The following CD81 variants were observed in gnomAD, a reference collection of about 807,000 sequenced individuals.
CD81 encodes CD81 molecule, also known as CD81 antigen.
In CD81, 10 loss-of-function variants were observed where a neutral mutation model predicts 30.1. The observed-to-expected ratio is 0.33, with a 90% CI of 0.21 to 0.56. The LOEUF is 0.56. Ranked by LOEUF, CD81 falls within the 20% of genes least tolerant of loss-of-function variation. CD81 has a pLI of 0.89. For missense variants in CD81, 263 were observed against 308.7 expected, an observed-to-expected ratio of 0.85 and a Z score of 1.11; for synonymous variants, 147 against 126.4, an observed-to-expected ratio of 1.16 and a Z score of -1.10.
chr11:2,390,168 G>A lies in CD81; in HGVS notation c.67-244G>A, dbSNP rs545186174. ...GTGTCTTCCTGGCAGTCCTGCCCTG[G>A]AGTCACACTCCACAGGTGCAGGGCA... On this transcript the variant is annotated intron_variant, in intron 1 of 7. Transcript: ENST00000263645. The A allele has an allele frequency of 1.1e-3, 657 of 611,118 alleles. 10 individuals carry two copies. The South Asian group carries it at 0.011, about 10-fold the overall frequency. 37.9% of individuals were successfully genotyped at this position (611,118 alleles called of 1,614,324 possible). A position where few individuals can be genotyped will look rare whatever the true frequency, so the allele number is the denominator to read the frequency against.
Position 2,377,519 on chromosome 11 carries a change from G to T in CD81, c.-31G>T. On this transcript the variant is annotated 5_prime_UTR_variant, in exon 1 of 8. Coordinates refer to ENST00000263645, the MANE Select transcript of CD81 (RefSeq NM_004356.4). The surrounding 1 kb of genome is among the most constrained non-coding windows in gnomAD (Gnocchi z 7.7). Reference sequence around the variant, plus strand: ...CGCCCGCCGCCCAGGACCGGCCCGCGCCCCGCAGGCCGCCCGCCGCCCGCG... The same window carrying T: ...CGCCCGCCGCCCAGGACCGGCCCGCTCCCCGCAGGCCGCCCGCCGCCCGCG... 7.9e-7 allele frequency: 1 copy of T among 1,259,436 alleles called. No individual in the cohort carries two copies. The highest frequency in any genetic ancestry group is 1.0e-6 in the Non-Finnish European group (1 of 968,498). The allele number at this position is 1,259,436 out of a possible 1,614,324, so 78.0% of individuals were successfully genotyped here.
Position 2,377,675 on chromosome 11 carries a change from G to T in CD81, c.66+60G>T. 1.7e-6 allele frequency: 2 copies of T among 1,201,404 alleles called. No individual in the cohort carries two copies. Among genetic ancestry groups the T allele is most frequent in the Non-Finnish European group, 2.3e-6 (2 of 867,314 alleles). The allele number at this position is 1,201,404 out of a possible 1,614,324, so 74.4% of individuals were successfully genotyped here. ...GCAGGCACACACTCCACGTTGGGCA[G>T]GTCCCGCGGCAGCGTGCTAGGCCCC... On this transcript the variant is annotated intron_variant, in intron 1 of 7. Coordinates refer to ENST00000263645, the MANE Select transcript of CD81 (RefSeq NM_004356.4). The surrounding 1 kb of genome is among the most constrained non-coding windows in gnomAD (Gnocchi z 7.7).
chr11:2,393,852 G>A, intron 2 of CD81: 1 of 672,772 alleles, frequency 1.5e-6, no homozygotes, highest in South Asian at 1.6e-5. Flanking sequence ...GCGCTCATGA[G>A]GTGCCCAGTC....
chr11:2,395,373 G>T (rs764150108), intron 4 of CD81, 43 bp from the exon 5 acceptor site: 4 of 1,501,496 alleles, frequency 2.7e-6, no homozygotes, highest in South Asian at 1.1e-5. Flanking sequence ...GGGGCAAGGA[G>T]GGGGAGGTTC....
chr11:2,395,364 G>T, intron 4 of CD81, 52 bp from the exon 5 acceptor site: 2 of 1,438,160 alleles, frequency 1.4e-6, no homozygotes, highest in Non-Finnish European at 2.0e-6. Flanking sequence ...GGCGGGGTGG[G>T]GGCAAGGAGG....
chr11:2,396,911 G>C lies in CD81; in HGVS notation c.*45G>C. The C allele has an allele frequency of 6.3e-7, 1 of 1,584,642 alleles. No individual in the cohort carries two copies. The highest frequency in any genetic ancestry group is 8.6e-7 in the Non-Finnish European group (1 of 1,156,354). On this transcript the variant is annotated 3_prime_UTR_variant, in exon 8 of 8. Transcript: ENST00000263645. ...CAGGGACCTCTGCAGTGCCCCCTAAGTGACCCGGACACTTCCGAGGGGGCC... is the reference window on the plus strand; with the variant it reads ...CAGGGACCTCTGCAGTGCCCCCTAACTGACCCGGACACTTCCGAGGGGGCC...
Position 2,395,032 on chromosome 11 carries a change from G to A in CD81, c.340G>A (p.Val114Ile). Reference sequence around the variant, plus strand: ...GGTGGCCGCCGGCATCTGGGGCTTTGTCAACAAGGACCAGGTGAGCCTGGG... The same window carrying A: ...GGTGGCCGCCGGCATCTGGGGCTTTATCAACAAGGACCAGGTGAGCCTGGG... ...CEVAAGIWGF[V>I]NKDQIAKDVK... Residue 114 changes from valine (V) to isoleucine (I), a missense_variant, in exon 4 of 8, where the codon GTC (valine) becomes ATC (isoleucine). By Grantham distance (29) the Val-to-Ile change is conservative. This residue lies in a region of CD81 where 176 missense variants were observed against 192.9 expected (regional missense o/e 0.91). Transcript: ENST00000263645. 6.2e-7 allele frequency: 1 copy of A among 1,612,108 alleles called. No homozygotes were observed. Among genetic ancestry groups the A allele is most frequent in the Non-Finnish European group, 8.5e-7 (1 of 1,179,832 alleles).
rs1220115604 is a variant in CD81, at chr11:2,378,971, A to C, written c.66+1356A>C. On this transcript the variant is annotated intron_variant, in intron 1 of 7. Coordinates refer to ENST00000263645, the MANE Select transcript of CD81 (RefSeq NM_004356.4). The surrounding 1 kb of genome is among the most constrained non-coding windows in gnomAD (Gnocchi z 4.9). ...GGGGCAGTCACATCCCACCTTCCCC[A>C]AGCCGGGCTGTTCTGCACAGCCTGC... is the stretch of plus-strand genomic sequence containing the variant. Among the ~76,000 whole-genome samples, 1 of 152,218 alleles carries C rather than the reference A, an allele frequency of 6.6e-6. No homozygotes were observed. The highest frequency in any genetic ancestry group is 1.5e-5 in the Non-Finnish European group (1 of 68,036).
At chr11:2,396,102 CTGCTCTGCTGGGAGGGTTGGGGTGGG>C in intron 6 of CD81, 132 bp downstream of exon 6, 1 of 493,320 alleles carries the variant, frequency 2.0e-6, no homozygotes, top group Non-Finnish European at 3.9e-6. Flanking sequence ...CCTGTCAGGG[CTGCTCTGCTGGGAGGGTTGGGGTGGG>C]ACCGCATCTG....
intron 1 of CD81, among the ~76,000 whole-genome samples, chr11:2,379,417 G>A (rs1849664833): frequency 7.6e-6 from 1 of 131,412 alleles, no homozygotes; most frequent in Admixed American, 7.3e-5. Flanking sequence ...CCTGGGGGTA[G>A]GGGCTGAGGG....
chr11:2,377,525 C>A lies in CD81; in HGVS notation c.-25C>A. The A allele has an allele frequency of 7.6e-7, 1 of 1,311,332 alleles. No homozygotes were observed. 81.2% of individuals were successfully genotyped at this position (1,311,332 alleles called of 1,614,324 possible). A position where few individuals can be genotyped will look rare whatever the true frequency, so the allele number is the denominator to read the frequency against. ...CCGCCCAGGACCGGCCCGCGCCCCG[C>A]AGGCCGCCCGCCGCCCGCGCCGCCA... On this transcript the variant is annotated 5_prime_UTR_variant, in exon 1 of 8. Transcript: ENST00000263645. This position sits in a 1 kb window ranked among gnomAD's most constrained non-coding sequence, Gnocchi z 7.7.
intron 1 of CD81, chr11:2,390,094 T>C (rs1849870639): frequency 2.1e-6 from 1 of 483,728 alleles, no homozygotes; most frequent in Non-Finnish European, 3.8e-6. Flanking sequence ...ACACTTACCC[T>C]AAAGAAGTAT....
At chr11:2,383,945 T>C (rs926263061) in intron 1 of CD81, among the ~76,000 whole-genome samples, 2 of 152,194 alleles carry the variant, frequency 1.3e-5, no homozygotes, top group Non-Finnish European at 2.9e-5. Context: ...CTCCTGGCTG[T>C]CCGGGGCCTG....
At chr11:2,395,747 C>T (rs1000428001) in intron 5 of CD81, 122 bp from the exon 6 acceptor site, 20 of 794,694 alleles carry the variant, frequency 2.5e-5, no homozygotes, top group Non-Finnish European at 3.9e-5. Flanking sequence ...AGAAGGCTGG[C>T]CCCTGGATGC....
intron 2 of CD81, chr11:2,393,816 C>T (rs1029094748): frequency 5.7e-5 from 36 of 632,088 alleles, no homozygotes; most frequent in East Asian, 2.2e-4. Context: ...GTCATCCCTG[C>T]GAAGCACCTG....
At chr11:2,381,161 C>T (rs1036974767) in intron 1 of CD81, among the ~76,000 whole-genome samples, 1 of 152,210 alleles carries the variant, frequency 6.6e-6, no homozygotes, top group East Asian at 1.9e-4. Flanking sequence ...TTTGGGGAAA[C>T]GGCCACTGGG....
intron 6 of CD81, 129 bp from the exon 7 acceptor site, chr11:2,396,499 A>T: frequency 4.8e-6 from 4 of 833,290 alleles, no homozygotes; most frequent in Non-Finnish European, 6.1e-6. Flanking sequence ...CGAGGTGGGT[A>T]GGGGGTGGGG....
In CD81 at chr11:2,396,003, C is replaced by T. The variant is rs775750794; in HGVS notation, c.561+33C>T. 4 of 1,406,870 alleles carry T rather than the reference C, an allele frequency of 2.8e-6. No homozygotes were observed. The African/African-American group carries it at 4.2e-5, about 15-fold the overall frequency. 87.1% of individuals were successfully genotyped at this position (1,406,870 alleles called of 1,614,324 possible). ...AGGCCGGTGGGGCCGCGCCTGACCC[C>T]CCGCATGTCCCGCCCCTGGGTGGGG... On this transcript the variant is annotated intron_variant, in intron 6 of 7. Transcript: ENST00000263645.
intron 1 of CD81, among the ~76,000 whole-genome samples, chr11:2,386,872 G>A (rs1016822504): frequency 5.3e-5 from 8 of 152,228 alleles, no homozygotes; most frequent in African/African-American, 1.9e-4. Flanking sequence ...GGCCCTGCAG[G>A]CCAGGACCAG....
Sources: gnomAD v4.1 joint callset for allele counts (sites outside exome capture counted in the v4.1 genomes callset) on GRCh38, gnomAD v4.1.1 for gene constraint, gnomAD v4.1.1 regional missense constraint, Gnocchi (gnomAD v3.1) non-coding constraint, MANE v1.5 for transcripts, NCBI Gene and HGNC (gene_info 2026-07-23, HGNC 2026-07-21) for gene names.